KLF12: variants seen among roughly 807,000 people sequenced by gnomAD.
KLF12 encodes the protein KLF transcription factor 12.
A neutral mutation model predicts 37.8 loss-of-function variants in KLF12; 9 were observed. That is an observed-to-expected ratio of 0.24 (90% CI 0.14 to 0.42). The LOEUF is 0.42. Among genes scored for constraint, KLF12 ranks in the 10% least tolerant of loss-of-function variants. KLF12 has a pLI of 1.00. For missense variants in KLF12, 411 were observed against 516.0 expected (o/e 0.80, Z 1.97); for synonymous variants, 208 against 202.1 (o/e 1.03, Z -0.25).
intron 1 of KLF12, among the ~76,000 whole-genome samples, chr13:74,132,028 G>A (rs577345150): frequency 6.6e-6 from 1 of 152,092 alleles, no homozygotes; most frequent in East Asian, 1.9e-4. Flanking sequence ...TAACCTAAAA[G>A]TATACTCCTT....
chr13:73,891,358 T>G (rs1887499041), intron 3 of KLF12, among the ~76,000 whole-genome samples: 1 of 152,160 alleles, frequency 6.6e-6, no homozygotes, highest in Admixed American at 6.5e-5. Flanking sequence ...TCCACTTGTT[T>G]AGAATGACCC....
chr13:74,229,738 G>A, the KLF12 span, among the ~76,000 whole-genome samples: 82 of 152,222 alleles, frequency 5.4e-4, no homozygotes, highest in African/African-American at 1.5e-3. Context: ...ACCAAGGCCT[G>A]CACCGGAATA....
At chr13:73,868,605 GGT>G (rs1171532579) in intron 3 of KLF12, among the ~76,000 whole-genome samples, 2 of 151,900 alleles carry the variant, frequency 1.3e-5, no homozygotes, top group African/African-American at 4.8e-5. Context: ...TGGCCAGGCT[GGT>G]CTCTCGAACT....
chr13:74,239,843 A>T, the KLF12 span, among the ~76,000 whole-genome samples: 2 of 151,738 alleles, frequency 1.3e-5, no homozygotes, highest in African/African-American at 4.9e-5. Flanking sequence ...GTGTCTCTGC[A>T]CGTGAGATGG....
the KLF12 span, among the ~76,000 whole-genome samples, chr13:74,182,404 C>T: frequency 1.3e-5 from 2 of 152,170 alleles, no homozygotes; most frequent in Admixed American, 6.5e-5. Context: ...AAACTGATTG[C>T]AGCATTGGAA....
chr13:73,925,471 C>A (rs1487973124), intron 3 of KLF12, among the ~76,000 whole-genome samples: 2 of 152,106 alleles, frequency 1.3e-5, no homozygotes, highest in African/African-American at 4.8e-5. Context: ...ACTATTAAGA[C>A]CTACTATTCA....
intron 1 of KLF12, among the ~76,000 whole-genome samples, chr13:74,005,277 T>C (rs1444027806): frequency 1.3e-5 from 2 of 152,134 alleles, no homozygotes; most frequent in Non-Finnish European, 2.9e-5. Flanking sequence ...GTCAAATAGT[T>C]AACTTCCTAA....
At chr13:74,163,649 A>G in the KLF12 span, among the ~76,000 whole-genome samples, 2 of 152,122 alleles carry the variant, frequency 1.3e-5, no homozygotes, top group Non-Finnish European at 2.9e-5. Flanking sequence ...AGTAAGACCT[A>G]CCATTTGACA....
At chr13:73,782,165 T>A (rs1881006352) in intron 5 of KLF12, among the ~76,000 whole-genome samples, 1 of 152,182 alleles carries the variant, frequency 6.6e-6, no homozygotes, top group Non-Finnish European at 1.5e-5. Flanking sequence ...CACTTATTGA[T>A]TATGTGGTTT....
chr13:74,022,690 C>T (rs1892872337), intron 1 of KLF12, among the ~76,000 whole-genome samples: 2 of 151,468 alleles, frequency 1.3e-5, no homozygotes, highest in Admixed American at 1.3e-4. Context: ...AAAAATTGAC[C>T]CCCTCTCACC....
intron 1 of KLF12, among the ~76,000 whole-genome samples, chr13:74,089,735 A>G (rs1017624592): frequency 1.1e-4 from 12 of 113,510 alleles, no homozygotes; most frequent in Non-Finnish European, 2.0e-4. Context: ...CCATTTATTG[A>G]AAAAAAAAAA....
intron 3 of KLF12, among the ~76,000 whole-genome samples, chr13:73,887,291 T>G (rs1206464454): frequency 6.6e-6 from 1 of 152,208 alleles, no homozygotes; most frequent in Non-Finnish European, 1.5e-5. Context: ...TAGATATTTG[T>G]CCTGCCCAAA....
chr13:74,296,862 A>T, the KLF12 span, among the ~76,000 whole-genome samples: 1 of 152,150 alleles, frequency 6.6e-6, no homozygotes, highest in Non-Finnish European at 1.5e-5. Flanking sequence ...CTGTCCAGGT[A>T]TTTTTAGTAG....
intron 1 of KLF12, among the ~76,000 whole-genome samples, chr13:74,024,892 T>C (rs1892935531): frequency 6.6e-6 from 1 of 152,196 alleles, no homozygotes; most frequent in South Asian, 2.1e-4. Context: ...CACCCACCTC[T>C]TCCCTGACAC....
chr13:73,950,235 G>A (rs1355479884), intron 2 of KLF12, among the ~76,000 whole-genome samples: 1 of 152,200 alleles, frequency 6.6e-6, no homozygotes, highest in African/African-American at 2.4e-5. Flanking sequence ...AACTAGCCAT[G>A]AAAAGCAGAT....
At chr13:73,828,663 TTAA>T (rs1271998382) in intron 4 of KLF12, among the ~76,000 whole-genome samples, 1 of 152,192 alleles carries the variant, frequency 6.6e-6, no homozygotes, top group East Asian at 1.9e-4. Context: ...GCCCAAAACT[TTAA>T]TGTTACCATG....
chr13:74,030,572 C>T (rs761116305), intron 1 of KLF12, among the ~76,000 whole-genome samples: 43 of 152,158 alleles, frequency 2.8e-4, no homozygotes, highest in Non-Finnish European at 4.4e-4. Flanking sequence ...TCCTTTCCTC[C>T]CACGCTCTCT....
At chr13:74,300,807 C>G in the KLF12 span, among the ~76,000 whole-genome samples, 1 of 152,088 alleles carries the variant, frequency 6.6e-6, no homozygotes, top group Admixed American at 6.6e-5. Flanking sequence ...TCTCTGGAAG[C>G]TGATTTAAGG....
At chr13:73,934,448 A>T (rs530330889) in intron 3 of KLF12, among the ~76,000 whole-genome samples, 18 of 152,310 alleles carry the variant, frequency 1.2e-4, no homozygotes, top group Non-Finnish European at 2.5e-4. Context: ...ACTGTCTTTT[A>T]AAAAGATTTT....
Sources: gnomAD v4.1 joint callset for allele counts (sites outside exome capture counted in the v4.1 genomes callset) on GRCh38, gnomAD v4.1.1 for gene constraint, MANE v1.5 for transcripts, NCBI Gene and HGNC (gene_info 2026-07-23, HGNC 2026-07-21) for gene names.